Variants in GLI2 observed in about 807,000 individuals in gnomAD.
GLI2 encodes transcription activator GLI2.
In GLI2, 22 loss-of-function variants were observed where a neutral mutation model predicts 78.9. The observed-to-expected ratio is 0.28, with a 90% confidence interval of 0.20 to 0.40. The LOEUF (loss-of-function observed/expected upper bound fraction) is 0.40, where lower values mean the gene tolerates loss of function less well. Among genes scored for constraint, GLI2 ranks in the 10% least tolerant of loss-of-function variants. The pLI is 1.00. For missense variants in GLI2, 2,097 were observed against 2,213.2 expected, an observed-to-expected ratio of 0.95 and a Z score of 1.05; for synonymous variants, 974 against 963.7, an observed-to-expected ratio of 1.01 and a Z score of -0.20.
chr2:120,876,274 G>A (rs924614905), intron 2 of GLI2, among the ~76,000 whole-genome samples: 4 of 152,152 alleles, frequency 2.6e-5, no homozygotes, highest in African/African-American at 4.8e-5. Context: ...CCCAGGCCAC[G>A]GAGCTTGCAG....
At chr2:120,870,669 G>A (rs949472166) in intron 2 of GLI2, among the ~76,000 whole-genome samples, 3 of 152,166 alleles carry the variant, frequency 2.0e-5, no homozygotes, top group African/African-American at 4.8e-5. Context: ...TCAAGTGACC[G>A]CGCCATGTGC....
chr2:120,766,964 C>G (rs527536757), intron 1 of GLI2, among the ~76,000 whole-genome samples: 1 of 152,148 alleles, frequency 6.6e-6, no homozygotes, highest in Non-Finnish European at 1.5e-5. Context: ...CTGGGGAAAC[C>G]GACAGGCCAC....
At chr2:120,952,092 C>A (rs553925292) in intron 4 of GLI2, among the ~76,000 whole-genome samples, 1 of 152,230 alleles carries the variant, frequency 6.6e-6, no homozygotes, top group Non-Finnish European at 1.5e-5. Context: ...CCACCCACCC[C>A]ACCAACAGAC....
chr2:120,789,853 T>C (rs974575108), intron 1 of GLI2, among the ~76,000 whole-genome samples: 1 of 152,242 alleles, frequency 6.6e-6, no homozygotes, highest in Non-Finnish European at 1.5e-5. Flanking sequence ...TTATCCTCTC[T>C]GGGCCTCTGA....
chr2:120,771,967 G>A (rs963189636), intron 1 of GLI2, among the ~76,000 whole-genome samples: 21 of 152,140 alleles, frequency 1.4e-4, no homozygotes, highest in African/African-American at 4.6e-4. Flanking sequence ...CTGCTGTCAG[G>A]CCATCCTTGT....
chr2:120,927,253 C>G (rs868807526), intron 2 of GLI2, 108 bp from the exon 3 acceptor site: 2 of 841,932 alleles, frequency 2.4e-6, no homozygotes, highest in African/African-American at 1.7e-5. Flanking sequence ...GCCCCTTGTC[C>G]TGGCTGCTCT....
At chr2:120,824,524 C>T (rs1356277410) in intron 2 of GLI2, among the ~76,000 whole-genome samples, 1 of 152,206 alleles carries the variant, frequency 6.6e-6, no homozygotes, top group African/African-American at 2.4e-5. Context: ...AATGGCGGCT[C>T]CAGAGTGTCC....
intron 2 of GLI2, among the ~76,000 whole-genome samples, chr2:120,862,513 G>A (rs1465532672): frequency 2.0e-5 from 3 of 152,102 alleles, no homozygotes; most frequent in Non-Finnish European, 4.4e-5. Flanking sequence ...TGAGCTGTGC[G>A]TGACCCCGTC....
intron 3 of GLI2, among the ~76,000 whole-genome samples, chr2:120,940,601 C>G (rs1389156933): frequency 2.6e-5 from 4 of 152,236 alleles, no homozygotes; most frequent in African/African-American, 9.6e-5. Context: ...AGGCTATAGT[C>G]AGTGTCCATT....
intron 11 of GLI2, among the ~76,000 whole-genome samples, chr2:120,983,298 C>T (rs374053933): frequency 2.0e-5 from 3 of 152,122 alleles, no homozygotes; most frequent in Non-Finnish European, 4.4e-5. Flanking sequence ...TCTGCCTCCC[C>T]ATCCTCTAGA....
chr2:120,938,117 G>A (rs1393170180), intron 3 of GLI2, among the ~76,000 whole-genome samples: 2 of 152,118 alleles, frequency 1.3e-5, no homozygotes, highest in African/African-American at 2.4e-5. Context: ...AAGTCCCCCT[G>A]TACTCGGAGG....
At chr2:120,958,328 C>G (rs371955052) in intron 5 of GLI2, among the ~76,000 whole-genome samples, 2 of 152,208 alleles carry the variant, frequency 1.3e-5, no homozygotes, top group East Asian at 3.9e-4. Flanking sequence ...AATCCACTCA[C>G]TCTTGCAGGA....
In GLI2 at chr2:120,864,507, T is replaced by A. The variant is rs185982127; in HGVS notation, c.149-62854T>A. Among the ~76,000 whole-genome samples, 836 of 152,270 alleles carry A rather than the reference T, an allele frequency of 5.5e-3. 5 individuals carry two copies. Among genetic ancestry groups the A allele is most frequent in the Non-Finnish European group, 7.7e-3 (524 of 67,996 alleles). ...TTTTGAGACGGAGTCTCGCTCTGTC[T>A]GTCGCCCAGGCTGGAGTGCAGTGGC... On this transcript the variant is annotated intron_variant, in intron 2 of 13. Coordinates refer to ENST00000361492, the MANE Select transcript of GLI2 (RefSeq NM_001374353.1).
intron 2 of GLI2, among the ~76,000 whole-genome samples, chr2:120,924,435 G>C (rs900089464): frequency 2.0e-5 from 3 of 152,012 alleles, no homozygotes; most frequent in Non-Finnish European, 2.9e-5. Flanking sequence ...GTGACTTTGG[G>C]CAAGGCCATG....
intron 2 of GLI2, among the ~76,000 whole-genome samples, chr2:120,839,039 A>G (rs1686744430): frequency 6.6e-6 from 1 of 152,222 alleles, no homozygotes; most frequent in Non-Finnish European, 1.5e-5. Flanking sequence ...TTGCTGTGTC[A>G]TTCCATCAGC....
chr2:120,987,099 T>C (rs951125540), intron 13 of GLI2, among the ~76,000 whole-genome samples: 2 of 152,316 alleles, frequency 1.3e-5, no homozygotes, highest in East Asian at 1.9e-4. Flanking sequence ...AGAAAGCACA[T>C]TGAGCTGGGG....
At chr2:120,894,776 G>A (rs546197861) in intron 2 of GLI2, among the ~76,000 whole-genome samples, 11 of 151,510 alleles carry the variant, frequency 7.3e-5, no homozygotes, top group African/African-American at 2.7e-4. Flanking sequence ...TTGGCTCACT[G>A]CAACCTCTGC....
chr2:120,945,175 A>G (rs570114166), intron 3 of GLI2, among the ~76,000 whole-genome samples: 2 of 152,334 alleles, frequency 1.3e-5, no homozygotes, highest in African/African-American at 4.8e-5. Context: ...GCAGGCCAGA[A>G]CCAACATCGG....
At chr2:120,901,711 C>A (rs1418160595) in intron 2 of GLI2, among the ~76,000 whole-genome samples, 1 of 152,198 alleles carries the variant, frequency 6.6e-6, no homozygotes, top group Admixed American at 6.5e-5. Flanking sequence ...CCTTGTTGAG[C>A]TTTTAGATTA....
Sources: gnomAD v4.1 joint callset for allele counts (sites outside exome capture counted in the v4.1 genomes callset) on GRCh38, gnomAD v4.1.1 for gene constraint, MANE v1.5 for transcripts, NCBI Gene and HGNC (gene_info 2026-07-23, HGNC 2026-07-21) for gene names.